ATF7IP: variants seen among roughly 807,000 people sequenced by gnomAD.
ATF7IP encodes activating transcription factor 7 interacting protein.
In ATF7IP, 23 loss-of-function variants were observed where a neutral mutation model predicts 106.4. That is an observed-to-expected ratio of 0.22 (90% CI 0.16 to 0.31). The LOEUF (loss-of-function observed/expected upper bound fraction) is 0.31, where lower values mean the gene tolerates loss of function less well. Ranked by LOEUF, ATF7IP falls within the 10% of genes least tolerant of loss-of-function variation. The pLI is 1.00. For synonymous variants in ATF7IP, 542 were observed against 539.0 expected (o/e 1.01, Z -0.08); for missense variants, 1,334 against 1,524.3 (o/e 0.88, Z 2.08).
chr12:14,427,820 T>C (rs902480777), intron 2 of ATF7IP, among the ~76,000 whole-genome samples: 5 of 152,128 alleles, frequency 3.3e-5, no homozygotes, highest in African/African-American at 1.2e-4. Context: ...TCACAACTGT[T>C]ATTACTCCTG....
intron 1 of ATF7IP, among the ~76,000 whole-genome samples, chr12:14,406,179 A>T (rs1940570670): frequency 1.3e-5 from 2 of 152,090 alleles, no homozygotes; most frequent in Admixed American, 6.5e-5. Flanking sequence ...GCTCACTGCA[A>T]CCTCAGCCTC....
chr12:14,384,342 TTTGA>T (rs752677619), intron 1 of ATF7IP, among the ~76,000 whole-genome samples: 4 of 152,222 alleles, frequency 2.6e-5, no homozygotes, highest in South Asian at 2.1e-4. Flanking sequence ...TTCCCTTCTC[TTTGA>T]TTGATATGTT....
chr12:14,475,985 T>C lies in ATF7IP; in HGVS notation c.2941+17T>C, dbSNP rs117361130. The C allele has an allele frequency of 0.027, 42,385 of 1,597,418 alleles. 608 individuals carry two copies. Among genetic ancestry groups the C allele is most frequent in the Non-Finnish European group, 0.03 (34,578 of 1,164,916 alleles). Reference sequence around the variant, plus strand: ...CTTCACAAGGTACTTCAATAGTAATTGTACTAAGCAACGTTTTGATACCAT... The same window carrying C: ...CTTCACAAGGTACTTCAATAGTAATCGTACTAAGCAACGTTTTGATACCAT... On this transcript the variant is annotated intron_variant, in intron 11 of 14. Coordinates refer to ENST00000261168, the MANE Select transcript of ATF7IP (RefSeq NM_018179.5).
At chr12:14,439,342 A>T (rs1407752192) in intron 5 of ATF7IP, among the ~76,000 whole-genome samples, 1 of 152,230 alleles carries the variant, frequency 6.6e-6, no homozygotes, top group African/African-American at 2.4e-5. Flanking sequence ...TCCGTTACGA[A>T]TAAAATTTTA....
chr12:14,377,357 ATTT>A (rs748791843), intron 1 of ATF7IP, among the ~76,000 whole-genome samples: 2 of 112,668 alleles, frequency 1.8e-5, no homozygotes, highest in Admixed American at 9.1e-5. Flanking sequence ...GATTTATCCA[ATTT>A]TTTTTTTTTT....
chr12:14,495,699 A>G (rs1473845478), intron 13 of ATF7IP, among the ~76,000 whole-genome samples: 1 of 152,226 alleles, frequency 6.6e-6, no homozygotes, highest in Non-Finnish European at 1.5e-5. Context: ...GAGGAACCTC[A>G]TTAATACATG....
intron 13 of ATF7IP, among the ~76,000 whole-genome samples, chr12:14,486,164 G>A (rs1200086102): frequency 1.3e-5 from 2 of 152,170 alleles, no homozygotes. Context: ...GATGAATCCA[G>A]TAATCCACTG....
rs535073365 is a variant in ATF7IP, at chr12:14,451,366, A to G, written c.1995+4313A>G. On this transcript the variant is annotated intron_variant, in intron 6 of 14. Transcript: ENST00000261168. ...TTTTAAGTTTTGTTTTTGTTTTTCT[A>G]TTCTCTATTTTTGTTTACTTCCACC... is the stretch of plus-strand genomic sequence containing the variant. Among the ~76,000 whole-genome samples the G allele has an allele frequency of 1.2e-4, 18 of 150,602 alleles. No homozygotes were observed. The South Asian group carries it at 2.7e-3, about 23-fold the overall frequency.
intron 13 of ATF7IP, among the ~76,000 whole-genome samples, chr12:14,484,683 G>T (rs1347595666): frequency 6.6e-6 from 1 of 152,174 alleles, no homozygotes; most frequent in Non-Finnish European, 1.5e-5. Context: ...AGGGACCCCT[G>T]TGAGGCCATC....
rs986745019 is a variant in ATF7IP, at chr12:14,365,843, A to T, written c.-8+16A>T. The T allele has an allele frequency of 6.5e-6, 1 of 153,052 alleles. No homozygotes were observed. The highest frequency in any genetic ancestry group is 1.9e-4 in the East Asian group (1 of 5,188). The allele number at this position is 153,052 out of a possible 1,614,324, so 9.5% of individuals were successfully genotyped here. On this transcript the variant is annotated intron_variant, in intron 1 of 14. Transcript: ENST00000261168. The stretch of plus-strand genomic sequence containing the variant: ...GCCCCAAAAGGTATATGTGAATCCC[A>T]GGGGCTGTTAAAACCACATTTTCTT...
chr12:14,436,307 C>G (rs1202726587), intron 4 of ATF7IP, 56 bp downstream of exon 4: 2 of 1,464,990 alleles, frequency 1.4e-6, no homozygotes, highest in African/African-American at 1.4e-5. Context: ...CCACTATCTT[C>G]TTCTAGGTTT....
intron 1 of ATF7IP, among the ~76,000 whole-genome samples, chr12:14,376,484 T>C (rs994100673): frequency 2.0e-5 from 3 of 152,232 alleles, no homozygotes; most frequent in Admixed American, 2.0e-4. Context: ...ATTGTGTGCT[T>C]AACAAAACTA....
rs750659396 is a variant in ATF7IP at position 14,460,708 on chromosome 12, T to G, written c.2372T>G (p.Val791Gly). ...LPVILHVPVA[V>G]SSQPQLLQSH... ...GTGATTTTGCATGTACCTGTTGCAG[T>G]ATCCTCCCAGCCTCAGCTTCTACAG... The change falls in exon 9 of 15, where the codon GTA becomes GGA. Residue 791 changes from valine (V) to glycine (G), a missense_variant. Val to Gly is a moderately radical substitution (Grantham distance 109). Around this residue, in one of 10 missense-constraint regions of ATF7IP, gnomAD observed 16 missense variants for 43.5 expected, o/e 0.37. Transcript: ENST00000261168. 1 of 1,614,198 alleles carries G rather than the reference T, an allele frequency of 6.2e-7. No individual in the cohort carries two copies.
intron 6 of ATF7IP, among the ~76,000 whole-genome samples, chr12:14,448,114 T>TAATC (rs1943056901): frequency 2.6e-5 from 4 of 152,212 alleles, no homozygotes; most frequent in African/African-American, 9.6e-5. Flanking sequence ...TTCATCTTGA[T>TAATC]AGTTCCATTG....
At chr12:14,446,723 A>G (rs1942976181) in intron 5 of ATF7IP, among the ~76,000 whole-genome samples, 1 of 152,196 alleles carries the variant, frequency 6.6e-6, no homozygotes, top group Admixed American at 6.5e-5. Context: ...TAAGTGAGCA[A>G]CACTCAAAAG....
Position 14,498,482 on chromosome 12 carries a change from A to G in ATF7IP, c.*409A>G, listed in dbSNP as rs138839070. The G allele has an allele frequency of 8.2e-4, 133 of 161,836 alleles. No homozygotes were observed. Among genetic ancestry groups the G allele is most frequent in the African/African-American group, 3.0e-3 (127 of 41,874 alleles). 10.0% of individuals were successfully genotyped at this position (161,836 alleles called of 1,614,324 possible). The stretch of plus-strand genomic sequence containing the variant: ...GCATGATTCTGCTTTTGAAGGATCT[A>G]TAGTATCATTTTAGTTAAGTGGGTC... On this transcript the variant is annotated 3_prime_UTR_variant, in exon 15 of 15. Transcript: ENST00000261168.
At chr12:14,487,991 C>G (rs1944682159) in intron 13 of ATF7IP, among the ~76,000 whole-genome samples, 1 of 152,076 alleles carries the variant, frequency 6.6e-6, no homozygotes. Flanking sequence ...CAGTTCATGC[C>G]AGGTACTATC....
chr12:14,370,503 A>G (rs897328392), intron 1 of ATF7IP, among the ~76,000 whole-genome samples: 2 of 152,156 alleles, frequency 1.3e-5, no homozygotes, highest in Non-Finnish European at 2.9e-5. Flanking sequence ...GATCAACTTT[A>G]GGTTCATTTG....
At position 14,438,298 on chromosome 12, in the gene ATF7IP, A is replaced by C; in HGVS notation, c.1929+31A>C. On this transcript the variant is annotated intron_variant, in intron 5 of 14. Transcript: ENST00000261168. ...TACATTGACTTGAGTTGTATACTCC[A>C]TGTGTCATTGTTTTTATAACTTATT... 1.9e-6 allele frequency: 3 copies of C among 1,547,108 alleles called. 1 individual carries two copies. The South Asian group carries it at 3.5e-5, about 18-fold the overall frequency.
Sources: allele counts gnomAD v4.1 joint callset (sites outside exome capture counted in the v4.1 genomes callset), GRCh38; gene constraint gnomAD v4.1.1; regional missense constraint gnomAD v4.1.1; transcripts MANE v1.5; gene names NCBI Gene and HGNC (gene_info 2026-07-23, HGNC 2026-07-21).